Variants in SLIT2 observed in about 807,000 individuals in gnomAD.
SLIT2 encodes slit homolog 2 protein.
In SLIT2, 41 loss-of-function variants were observed where a neutral mutation model predicts 185.7. That is an observed-to-expected ratio of 0.22 (90% confidence interval 0.17 to 0.29). SLIT2 has a LOEUF of 0.29. Ranked by LOEUF, SLIT2 falls within the 10% of genes least tolerant of loss-of-function variation. The pLI, the probability that SLIT2 is intolerant of heterozygous loss-of-function variation, is 1.00. For synonymous variants in SLIT2, 693 were observed against 680.2 expected, an observed-to-expected ratio of 1.02 and a Z score of -0.29; for missense variants, 1,571 against 1,909.0, an observed-to-expected ratio of 0.82 and a Z score of 3.30.
intron 4 of SLIT2, among the ~76,000 whole-genome samples, chr4:20,307,323 C>T (rs997484503): frequency 2.0e-5 from 3 of 147,616 alleles, no homozygotes; most frequent in African/African-American, 5.1e-5. Flanking sequence ...AGTGCAGTGG[C>T]GCCATCATAG....
chr4:20,490,754 G>A (rs548125064), intron 8 of SLIT2: 31 of 1,314,420 alleles, frequency 2.4e-5, no homozygotes, highest in Middle Eastern at 1.8e-4. Flanking sequence ...CTAACAGTTC[G>A]TTACTAACCA....
intron 33 of SLIT2, among the ~76,000 whole-genome samples, chr4:20,598,886 G>A (rs771870263): frequency 3.9e-5 from 6 of 152,120 alleles, no homozygotes; most frequent in Admixed American, 6.6e-5. Flanking sequence ...ACTGCATGCC[G>A]GGAAAGAAGG....
chr4:20,440,063 C>A (rs1011656314), intron 4 of SLIT2, among the ~76,000 whole-genome samples: 2 of 152,082 alleles, frequency 1.3e-5, no homozygotes, highest in Non-Finnish European at 2.9e-5. Context: ...GCCAGAAGTG[C>A]AATTAATTGT....
In SLIT2 at chr4:20,605,696, CTTTTA is replaced by C. The variant is rs144136425; in HGVS notation, c.3693-4305_3693-4301del. On this transcript the variant is annotated intron_variant, in intron 33 of 36. Transcript: ENST00000504154. ...GTAGCAACTGATGTGTCGATCACTG[CTTTTA>C]TTTTATTTTATATTTTATTTTATTT... Among the ~76,000 whole-genome samples the C allele has an allele frequency of 6.7e-3, 944 of 141,322 alleles. 8 individuals are homozygous for C. The highest frequency in any genetic ancestry group is 0.015 in the Middle Eastern group (4 of 274). 92.7% of individuals were successfully genotyped at this position (141,322 alleles called of 152,430 possible).
chr4:20,278,815 CGGTGGGGGGA>C (rs1003101290), intron 4 of SLIT2, among the ~76,000 whole-genome samples: 7 of 4,090 alleles, frequency 1.7e-3, no homozygotes, highest in African/African-American at 7.3e-3. Context: ...TGGTGGGGGG[CGGTGGGGGGA>C]GGGCGTGTGG....
chr4:20,594,395 G>A (rs73801878), intron 30 of SLIT2, among the ~76,000 whole-genome samples: 299 of 151,802 alleles, frequency 2.0e-3, no homozygotes, highest in African/African-American at 6.6e-3. Flanking sequence ...GTATGTGTAT[G>A]TGTGTGTATA....
At chr4:20,463,448 G>GATATATATATATATATAT (rs56256520) in intron 4 of SLIT2, among the ~76,000 whole-genome samples, 3 of 67,314 alleles carry the variant, frequency 4.5e-5, no homozygotes, top group African/African-American at 5.8e-5. Context: ...CTCAAACTGT[G>GATATATATATATATATAT]ATATATATAT....
chr4:20,353,747 C>T (rs1207108097), intron 4 of SLIT2, among the ~76,000 whole-genome samples: 1 of 151,976 alleles, frequency 6.6e-6, no homozygotes, highest in East Asian at 1.9e-4. Flanking sequence ...CTTTTTTGTG[C>T]CAGACAAGGA....
chr4:20,525,658 G>A (rs930063848), intron 15 of SLIT2, among the ~76,000 whole-genome samples: 1 of 151,986 alleles, frequency 6.6e-6, no homozygotes, highest in Non-Finnish European at 1.5e-5. Context: ...TTTAAAAACT[G>A]TACTTATTGC....
chr4:20,617,234 T>C, intron 35 of SLIT2, 36 bp downstream of exon 35: 1 of 1,439,926 alleles, frequency 6.9e-7, no homozygotes, highest in Non-Finnish European at 9.2e-7. Context: ...AGCACACACC[T>C]GAAAGCCTCA....
intron 36 of SLIT2, among the ~76,000 whole-genome samples, 177 bp from the exon 37 acceptor site, chr4:20,618,591 A>G (rs1729857598): frequency 6.6e-6 from 1 of 152,244 alleles, no homozygotes. Context: ...TGCTGAAAAT[A>G]GAGACTAAAA....
chr4:20,323,946 T>C (rs995297054), intron 4 of SLIT2, among the ~76,000 whole-genome samples: 2 of 152,220 alleles, frequency 1.3e-5, no homozygotes, highest in Admixed American at 6.5e-5. Context: ...GTTCATAACA[T>C]GATCCTGAAG....
intron 4 of SLIT2, among the ~76,000 whole-genome samples, chr4:20,422,051 T>C (rs778800634): frequency 4.6e-5 from 7 of 152,192 alleles, no homozygotes; most frequent in Admixed American, 1.3e-4. Context: ...AGAGTTCATT[T>C]CTTGGCTCCT....
chr4:20,312,367 ATTAT>A (rs1718185728), intron 4 of SLIT2, among the ~76,000 whole-genome samples: 1 of 152,334 alleles, frequency 6.6e-6, no homozygotes, highest in East Asian at 1.9e-4. Context: ...CTGAGAACAG[ATTAT>A]TTTAGATTAT....
chr4:20,354,050 G>A (rs541401354), intron 4 of SLIT2, among the ~76,000 whole-genome samples: 5 of 152,132 alleles, frequency 3.3e-5, no homozygotes, highest in Non-Finnish European at 5.9e-5. Flanking sequence ...AAAAAAGAGT[G>A]CTGTGTTAGC....
intron 9 of SLIT2, among the ~76,000 whole-genome samples, chr4:20,494,263 C>A (rs1718034103): frequency 6.6e-6 from 1 of 152,122 alleles, no homozygotes; most frequent in African/African-American, 2.4e-5. Context: ...GCTATGATAG[C>A]AAACATAGTA....
At chr4:20,569,274 C>G (rs1382864976) in intron 29 of SLIT2, 1 of 387,138 alleles carries the variant, frequency 2.6e-6, no homozygotes. Flanking sequence ...AGCTTTTAGT[C>G]CCACAATTAA....
At chr4:20,297,822 C>G (rs1014008773) in intron 4 of SLIT2, among the ~76,000 whole-genome samples, 1 of 152,122 alleles carries the variant, frequency 6.6e-6, no homozygotes, top group Admixed American at 6.5e-5. Context: ...TCTGAGTTAT[C>G]TGTAACGGAT....
intron 9 of SLIT2, among the ~76,000 whole-genome samples, chr4:20,503,761 G>A (rs1718953823): frequency 6.6e-6 from 1 of 152,012 alleles, no homozygotes; most frequent in Non-Finnish European, 1.5e-5. Context: ...AACACCAATT[G>A]AATTTACACT....
Sources: allele counts gnomAD v4.1 joint callset (sites outside exome capture counted in the v4.1 genomes callset), GRCh38; gene constraint gnomAD v4.1.1; transcripts MANE v1.5; gene names NCBI Gene and HGNC (gene_info 2026-07-23, HGNC 2026-07-21).